The following GSE1 variants were observed in gnomAD, a reference collection of about 807,000 sequenced individuals.
GSE1 encodes genetic suppressor element 1.
A neutral mutation model predicts 112.6 loss-of-function variants in GSE1; 32 were observed. The observed-to-expected ratio is 0.28, with a 90% CI of 0.21 to 0.38. The LOEUF is 0.38. GSE1 is among the 10% of genes least tolerant of loss of function. GSE1 has a pLI of 1.00. For synonymous variants in GSE1, 1,115 were observed against 735.6 expected (o/e 1.52, Z -8.35); for missense variants, 2,348 against 1,699.2 (o/e 1.38, Z -6.71).
rs1407718473 is a variant in GSE1 at position 85,337,383 on chromosome 16, G to A, written c.2284-20080G>A. Among the ~76,000 whole-genome samples the A allele has an allele frequency of 4.7e-5, 7 of 148,236 alleles. No individual in the cohort carries two copies. The East Asian group carries it at 6.0e-4, about 13-fold the overall frequency. ...TGCAGTGGCGCGATCTCGGCTCACT[G>A]CAAGCTCCGCCTCCCGGGTTCACGC... is the stretch of plus-strand genomic sequence containing the variant. On this transcript the variant is annotated intron_variant, in intron 1 of 2. Transcript: ENST00000637419.
intron 2 of GSE1, among the ~76,000 whole-genome samples, chr16:85,524,313 C>T (rs1050554437): frequency 6.6e-6 from 1 of 152,082 alleles, no homozygotes; most frequent in Non-Finnish European, 1.5e-5. Context: ...CATCCCAGTC[C>T]TGCTGCTTGC....
At chr16:85,485,635 C>G (rs1263877541) in intron 2 of GSE1, among the ~76,000 whole-genome samples, 1 of 152,252 alleles carries the variant, frequency 6.6e-6, no homozygotes, top group Non-Finnish European at 1.5e-5. Context: ...GAGAGCCTTC[C>G]TCGGATTAAA....
upstream of GSE1, among the ~76,000 whole-genome samples, chr16:85,612,178 C>T (rs899441337): frequency 6.6e-6 from 1 of 151,442 alleles, no homozygotes; most frequent in African/African-American, 2.4e-5. Context: ...TCGCCGACCC[C>T]TGCCCCCGAG....
intron 1 of GSE1, among the ~76,000 whole-genome samples, chr16:85,322,442 C>T (rs577123529): frequency 6.6e-6 from 1 of 152,108 alleles, no homozygotes; most frequent in South Asian, 2.1e-4. Context: ...ATACATAAAC[C>T]TAATCAGAGG....
intron 2 of GSE1, among the ~76,000 whole-genome samples, chr16:85,404,959 C>A (rs866484252): frequency 4.5e-4 from 6 of 13,236 alleles, no homozygotes; most frequent in African/African-American, 2.1e-3. Flanking sequence ...CTCTCAGGCC[C>A]CCCGGATAAT....
At chr16:85,267,655 A>G (rs895886694) in intron 1 of GSE1, among the ~76,000 whole-genome samples, 2 of 151,898 alleles carry the variant, frequency 1.3e-5, no homozygotes, top group African/African-American at 4.8e-5. Flanking sequence ...TCCCAGCTAT[A>G]CTCACTTTTC....
Position 85,668,415 on chromosome 16 carries a change from C to G in GSE1, c.3406C>G (p.His1136Asp). The change falls in exon 14 of 16, where the codon CAC (histidine) becomes GAC (aspartate). Residue 1136 changes from histidine to aspartate, a missense_variant. His to Asp is a moderately conservative substitution (Grantham distance 81, BLOSUM62 -1). Coordinates refer to ENST00000253458, the MANE Select transcript of GSE1 (RefSeq NM_014615.5). ...IEAVFEAYQEHIEEQNLERQV... is the reference protein window; with the variant it reads ...IEAVFEAYQEDIEEQNLERQV... ...GGCCGTTTTTGAAGCTTACCAGGAA[C>G]ACATAGAAGGTAAGGGGGTGCTGGG... 1.9e-6 allele frequency: 3 copies of G among 1,599,058 alleles called. No homozygotes were observed. Among genetic ancestry groups the G allele is most frequent in the Non-Finnish European group, 2.6e-6 (3 of 1,172,478 alleles).
chr16:85,324,247 C>T (rs575383954), intron 1 of GSE1, among the ~76,000 whole-genome samples: 42 of 152,290 alleles, frequency 2.8e-4, no homozygotes, highest in Admixed American at 5.9e-4. Flanking sequence ...CAGTGGCTCA[C>T]GCCTGTAATC....
At chr16:85,639,756 C>G (rs1403625027) in intron 2 of GSE1, among the ~76,000 whole-genome samples, 2 of 152,254 alleles carry the variant, frequency 1.3e-5, no homozygotes, top group African/African-American at 4.8e-5. Context: ...CACCGCCGCC[C>G]CCACTGCTGT....
intron 1 of GSE1, among the ~76,000 whole-genome samples, chr16:85,216,573 A>T (rs766949331): frequency 6.6e-6 from 1 of 152,244 alleles, no homozygotes; most frequent in Non-Finnish European, 1.5e-5. Context: ...ACTGACGCCT[A>T]TGACCTTCAC....
intron 2 of GSE1, among the ~76,000 whole-genome samples, chr16:85,522,319 A>G (rs1053998567): frequency 1.3e-5 from 2 of 152,022 alleles, no homozygotes; most frequent in African/African-American, 2.4e-5. Flanking sequence ...TGGGTCAGGT[A>G]TAAAAGATGT....
chr16:85,392,531 C>T (rs2047865494), intron 2 of GSE1, among the ~76,000 whole-genome samples: 1 of 152,050 alleles, frequency 6.6e-6, no homozygotes, highest in South Asian at 2.1e-4. Flanking sequence ...ATTCTAAAGC[C>T]CATCAAACTG....
intron 1 of GSE1, among the ~76,000 whole-genome samples, chr16:85,602,303 G>A (rs1044155517): frequency 4.6e-5 from 7 of 152,184 alleles, no homozygotes; most frequent in African/African-American, 1.7e-4. Context: ...ACAGGCCTGC[G>A]TGTCCCCAGC....
intron 2 of GSE1, among the ~76,000 whole-genome samples, chr16:85,410,197 A>AG (rs1408941682): frequency 4.4e-5 from 1 of 22,510 alleles, no homozygotes; most frequent in African/African-American, 3.4e-4. Flanking sequence ...TGTTACACTC[A>AG]GGCCCCCGGA....
At chr16:85,602,501 T>C (rs757060539) in intron 1 of GSE1, among the ~76,000 whole-genome samples, 8 of 152,012 alleles carry the variant, frequency 5.3e-5, no homozygotes, top group Non-Finnish European at 2.9e-5. Context: ...GTGAGCGAGC[T>C]CCCCTGACCT....
At chr16:85,432,234 G>A (rs555869504) in intron 2 of GSE1, among the ~76,000 whole-genome samples, 2 of 152,372 alleles carry the variant, frequency 1.3e-5, no homozygotes, top group South Asian at 4.1e-4. Context: ...TGGCCAAGAC[G>A]GGCACGCCCA....
At chr16:85,491,471 G>C (rs1012441941) in intron 2 of GSE1, among the ~76,000 whole-genome samples, 5 of 152,204 alleles carry the variant, frequency 3.3e-5, no homozygotes, top group South Asian at 4.1e-4. Flanking sequence ...GGCTTTATGA[G>C]AAGGTGATAT....
At chr16:85,214,953 G>A (rs753418883) in intron 1 of GSE1, among the ~76,000 whole-genome samples, 7 of 152,166 alleles carry the variant, frequency 4.6e-5, no homozygotes, top group African/African-American at 7.2e-5. Context: ...CTCCTTGCCC[G>A]GTCTTGGCCT....
At chr16:85,438,967 C>T (rs1038908532) in intron 2 of GSE1, among the ~76,000 whole-genome samples, 1 of 152,224 alleles carries the variant, frequency 6.6e-6, no homozygotes, top group African/African-American at 2.4e-5. Flanking sequence ...AGGTGTGGGC[C>T]TGCACCTCTG....
Sources: gnomAD v4.1 joint callset for allele counts (sites outside exome capture counted in the v4.1 genomes callset) on GRCh38, gnomAD v4.1.1 for gene constraint, MANE v1.5 for transcripts, NCBI Gene and HGNC (gene_info 2026-07-23, HGNC 2026-07-21) for gene names.